KLF12: variants seen among roughly 807,000 people sequenced by gnomAD.
KLF12 encodes Krueppel-like factor 12.
KLF12 carries 9 observed loss-of-function variants against 37.8 expected under a neutral mutation model. The ratio of observed to expected loss-of-function variants is 0.24; its 90% CI spans 0.14 to 0.42. The LOEUF (loss-of-function observed/expected upper bound fraction) is 0.42, where lower values mean the gene tolerates loss of function less well. Ranked by LOEUF, KLF12 falls within the 10% of genes least tolerant of loss-of-function variation. The pLI is 1.00. For missense variants in KLF12, 411 were observed against 516.0 expected (o/e 0.80, Z 1.97); for synonymous variants, 208 against 202.1 (o/e 1.03, Z -0.25).
chr13:73,990,273 G>GAGT (rs1489131506), intron 2 of KLF12, among the ~76,000 whole-genome samples: 1 of 152,054 alleles, frequency 6.6e-6, no homozygotes. Flanking sequence ...CTACTTCTCA[G>GAGT]AGATTAAGAG....
intron 5 of KLF12, among the ~76,000 whole-genome samples, chr13:73,799,405 A>C (rs917507209): frequency 6.6e-6 from 1 of 152,096 alleles, no homozygotes; most frequent in African/African-American, 2.4e-5. Flanking sequence ...CCTGGAACCT[A>C]AAATAAAAAG....
At chr13:74,149,195 T>C in the KLF12 span, among the ~76,000 whole-genome samples, 5 of 152,226 alleles carry the variant, frequency 3.3e-5, no homozygotes, top group African/African-American at 1.2e-4. Context: ...GTCATCTATA[T>C]GCTGACAACT....
chr13:73,814,261 G>T (rs1185907621), intron 4 of KLF12, among the ~76,000 whole-genome samples: 1 of 152,122 alleles, frequency 6.6e-6, no homozygotes, highest in Non-Finnish European at 1.5e-5. Flanking sequence ...GCTTGCGGGG[G>T]AAGGCAAAAT....
At chr13:74,134,635 T>A (rs1254479772), upstream of KLF12, among the ~76,000 whole-genome samples, 4 of 149,238 alleles carry the variant, frequency 2.7e-5, no homozygotes, top group Non-Finnish European at 4.5e-5. Context: ...AACCCACACA[T>A]GGCCCTGGGA....
intron 7 of KLF12, among the ~76,000 whole-genome samples, chr13:73,712,338 C>CAAA (rs752694466): frequency 2.9e-4 from 12 of 41,976 alleles, no homozygotes; most frequent in African/African-American, 6.1e-4. Context: ...AACTCCATGT[C>CAAA]AAAAAAAAAA....
At chr13:73,796,312 T>C (rs2138304857) in intron 5 of KLF12, among the ~76,000 whole-genome samples, 1 of 152,288 alleles carries the variant, frequency 6.6e-6, no homozygotes, top group South Asian at 2.1e-4. Flanking sequence ...CTGCTATATA[T>C]CCTGGCTTGT....
At chr13:73,836,953 G>A (rs978181140) in intron 4 of KLF12, among the ~76,000 whole-genome samples, 3 of 151,966 alleles carry the variant, frequency 2.0e-5, no homozygotes, top group Non-Finnish European at 2.9e-5. Context: ...TACCTTATTC[G>A]GTAGTACCTA....
At position 73,691,918 on chromosome 13, in the gene KLF12, A is replaced by G. The variant is rs1219501293; in HGVS notation, c.*3572T>C. ...AACCATAATGAAAACGGCCTTTCTAATCACCTGGAACTGGCATTTGTAAAC... is the reference window on the plus strand; with the variant it reads ...AACCATAATGAAAACGGCCTTTCTAGTCACCTGGAACTGGCATTTGTAAAC... On this transcript the variant is annotated 3_prime_UTR_variant, in exon 8 of 8. Coordinates refer to ENST00000377669, the MANE Select transcript of KLF12 (RefSeq NM_007249.5). 6.6e-6 allele frequency: 1 copy of G among 152,618 alleles called. No individual in the cohort carries two copies. Among genetic ancestry groups the G allele is most frequent in the Admixed American group, 6.5e-5 (1 of 15,272 alleles). The allele number at this position is 152,618 out of a possible 1,614,324, so 9.5% of individuals were successfully genotyped here. A position where few individuals can be genotyped will look rare whatever the true frequency, so the allele number is the denominator to read the frequency against.
intron 1 of KLF12, among the ~76,000 whole-genome samples, chr13:74,042,717 C>A (rs996274302): frequency 1.3e-4 from 20 of 152,088 alleles, no homozygotes; most frequent in African/African-American, 4.3e-4. Flanking sequence ...AGCAGGTCTT[C>A]ATAAATATGA....
At chr13:73,955,005 G>T (rs1032549457) in intron 2 of KLF12, among the ~76,000 whole-genome samples, 3 of 152,142 alleles carry the variant, frequency 2.0e-5, no homozygotes, top group African/African-American at 7.2e-5. Flanking sequence ...TCCTGGTTTA[G>T]TCTCTACCAT....
the KLF12 span, among the ~76,000 whole-genome samples, chr13:74,151,416 C>G: frequency 2.0e-5 from 3 of 152,184 alleles, no homozygotes; most frequent in East Asian, 5.8e-4. Context: ...TTAGGGAGCC[C>G]GAGGTGGGCG....
the KLF12 span, among the ~76,000 whole-genome samples, chr13:74,215,605 T>TTAGA: frequency 6.6e-6 from 1 of 152,196 alleles, no homozygotes; most frequent in Admixed American, 6.5e-5. Flanking sequence ...GTGTGTGCTG[T>TTAGA]TAGAGCTTGC....
At chr13:74,069,090 C>T (rs950281093) in intron 1 of KLF12, among the ~76,000 whole-genome samples, 9 of 152,264 alleles carry the variant, frequency 5.9e-5, no homozygotes, top group African/African-American at 2.2e-4. Flanking sequence ...GACATGCTAA[C>T]AAACAGTAGC....
the KLF12 span, among the ~76,000 whole-genome samples, chr13:74,139,971 T>G: frequency 6.6e-6 from 1 of 152,130 alleles, no homozygotes; most frequent in Non-Finnish European, 1.5e-5. Flanking sequence ...TCATGCTATA[T>G]ACAATACATT....
chr13:73,740,350 C>T (rs1449043040), intron 6 of KLF12, among the ~76,000 whole-genome samples: 7 of 152,148 alleles, frequency 4.6e-5, no homozygotes, highest in Non-Finnish European at 4.4e-5. Flanking sequence ...ACTTTGCAGC[C>T]TCCAGAACCA....
chr13:73,759,121 A>G lies in KLF12; in HGVS notation c.869+5817T>C, dbSNP rs147429573. Among the ~76,000 whole-genome samples the G allele has an allele frequency of 8.5e-5, 13 of 152,304 alleles. No individual in the cohort carries two copies. The East Asian group carries it at 2.5e-3, about 29-fold the overall frequency. ...TCAGCACATATACAGAGAACTTGCA[A>G]GCAGGTTAACGATGACATCAACTAT... On this transcript the variant is annotated intron_variant, in intron 6 of 7. Coordinates refer to ENST00000377669, the MANE Select transcript of KLF12 (RefSeq NM_007249.5).
chr13:74,267,949 G>A, the KLF12 span, among the ~76,000 whole-genome samples: 2 of 152,102 alleles, frequency 1.3e-5, no homozygotes, highest in Non-Finnish European at 1.5e-5. Flanking sequence ...TTGGAGTTAC[G>A]TAGTCAAAAG....
chr13:73,902,797 A>G (rs1888096959), intron 3 of KLF12, among the ~76,000 whole-genome samples: 1 of 152,214 alleles, frequency 6.6e-6, no homozygotes, highest in South Asian at 2.1e-4. Context: ...GGTGACTTTC[A>G]ATGCAATGAT....
chr13:73,747,434 T>C (rs1013690183), intron 6 of KLF12, among the ~76,000 whole-genome samples: 1 of 152,230 alleles, frequency 6.6e-6, no homozygotes, highest in Admixed American at 6.5e-5. Flanking sequence ...AAGGACGCAG[T>C]AGATATGTCA....
Sources: allele counts gnomAD v4.1 joint callset (sites outside exome capture counted in the v4.1 genomes callset), GRCh38; gene constraint gnomAD v4.1.1; transcripts MANE v1.5; gene names NCBI Gene and HGNC (gene_info 2026-07-23, HGNC 2026-07-21).